The following ABTB3 variants were observed in gnomAD, a reference collection of about 807,000 sequenced individuals.
ABTB3 encodes ankyrin repeat- and BTB/POZ domain-containing protein 3.
At chr12:107,477,282 G>T in the ABTB3 span, among the ~76,000 whole-genome samples, 13 of 152,284 alleles carry the variant, frequency 8.5e-5, no homozygotes, top group South Asian at 1.5e-3. Flanking sequence ...CAATGGGCGG[G>T]TCAAGAGACA....
the ABTB3 span, chr12:107,610,153 G>A: frequency 1.2e-6 from 2 of 1,613,096 alleles, no homozygotes; most frequent in Non-Finnish European, 1.7e-6. Flanking sequence ...CCTCTGGGAA[G>A]CCGCTGTACC....
At chr12:107,382,310 C>T in the ABTB3 span, among the ~76,000 whole-genome samples, 1 of 152,148 alleles carries the variant, frequency 6.6e-6, no homozygotes, top group Non-Finnish European at 1.5e-5. Flanking sequence ...TGGGCCAGGA[C>T]CTGGCACACA....
At chr12:107,420,622 C>T in the ABTB3 span, among the ~76,000 whole-genome samples, 1 of 152,126 alleles carries the variant, frequency 6.6e-6, no homozygotes, top group African/African-American at 2.4e-5. Flanking sequence ...GGGGACACAG[C>T]CAAACCACAT....
At chr12:107,635,333 G>C in the ABTB3 span, 1 of 1,613,882 alleles carries the variant, frequency 6.2e-7, no homozygotes, top group South Asian at 1.1e-5. Flanking sequence ...ACACTGCTAC[G>C]GGCCCTACCC....
At chr12:107,619,932 C>T in the ABTB3 span, 2 of 1,475,352 alleles carry the variant, frequency 1.4e-6, no homozygotes, top group Non-Finnish European at 1.8e-6. Context: ...TTCCACCTTT[C>T]CCCTCTCTCT....
the ABTB3 span, among the ~76,000 whole-genome samples, chr12:107,628,568 T>C: frequency 6.6e-6 from 1 of 152,246 alleles, no homozygotes; most frequent in African/African-American, 2.4e-5. Context: ...TTTCTCCATT[T>C]GAAACAGGTC....
chr12:107,448,452 A>G, the ABTB3 span, among the ~76,000 whole-genome samples: 1,077 of 152,298 alleles, frequency 7.1e-3, 11 homozygotes, highest in African/African-American at 0.024. Context: ...GCCACTGAAA[A>G]TGATGCCCAG....
the ABTB3 span, among the ~76,000 whole-genome samples, chr12:107,578,267 G>A: frequency 6.6e-6 from 1 of 151,410 alleles, no homozygotes; most frequent in African/African-American, 2.4e-5. Flanking sequence ...TAGGTACATA[G>A]AAAATTCCAG....
chr12:107,477,669 C>G, the ABTB3 span, among the ~76,000 whole-genome samples: 1 of 152,122 alleles, frequency 6.6e-6, no homozygotes. Flanking sequence ...TATGCACCAA[C>G]ACGCATAAAA....
chr12:107,506,086 T>C, the ABTB3 span, among the ~76,000 whole-genome samples: 1 of 152,210 alleles, frequency 6.6e-6, no homozygotes, highest in South Asian at 2.1e-4. Context: ...TTTCTGTTTT[T>C]AGGTCTTTGA....
chr12:107,602,257 G>A, the ABTB3 span, among the ~76,000 whole-genome samples: 4 of 152,208 alleles, frequency 2.6e-5, no homozygotes, highest in Non-Finnish European at 5.9e-5. Context: ...CCTTCCTGGG[G>A]GCCAGGCTTT....
chr12:107,630,866 T>G, the ABTB3 span, among the ~76,000 whole-genome samples: 120 of 152,386 alleles, frequency 7.9e-4, 1 homozygote, highest in Admixed American at 2.4e-3. Flanking sequence ...CTATGGTACA[T>G]TTGTTATAAT....
the ABTB3 span, among the ~76,000 whole-genome samples, chr12:107,593,297 A>C: frequency 2.0e-5 from 3 of 152,190 alleles, no homozygotes; most frequent in Non-Finnish European, 4.4e-5. Context: ...GCGGTCCTCA[A>C]AGCCTAACAT....
At chr12:107,525,217 C>T in the ABTB3 span, among the ~76,000 whole-genome samples, 2 of 149,900 alleles carry the variant, frequency 1.3e-5, no homozygotes, top group Non-Finnish European at 1.5e-5. Flanking sequence ...GTCCCAGCTA[C>T]TCGGAAGGCT....
At chr12:107,611,601 C>T in the ABTB3 span, among the ~76,000 whole-genome samples, 1 of 152,308 alleles carries the variant, frequency 6.6e-6, no homozygotes, top group South Asian at 2.1e-4. Flanking sequence ...TAATGCTAAG[C>T]TAAACGTATT....
chr12:107,440,731 G>A, the ABTB3 span, among the ~76,000 whole-genome samples: 2 of 152,136 alleles, frequency 1.3e-5, no homozygotes, highest in African/African-American at 2.4e-5. Context: ...AAGGAAAGAA[G>A]GGAGGCAGGG....
At chr12:107,525,347 AAAAG>A in the ABTB3 span, among the ~76,000 whole-genome samples, 223 of 149,696 alleles carry the variant, frequency 1.5e-3, 1 homozygote, top group Non-Finnish European at 2.5e-3. Context: ...AAAAAAAAAA[AAAAG>A]AAAGAAAGAA....
the ABTB3 span, among the ~76,000 whole-genome samples, chr12:107,516,592 C>T: frequency 9.9e-5 from 15 of 152,128 alleles, no homozygotes; most frequent in African/African-American, 2.4e-4. Context: ...TTCCCTACCC[C>T]GTTGTCTCAC....
At chr12:107,348,805 CAGGTAGTACTGAGTGATA>C in the ABTB3 span, among the ~76,000 whole-genome samples, 1 of 152,128 alleles carries the variant, frequency 6.6e-6, no homozygotes, top group Non-Finnish European at 1.5e-5. Flanking sequence ...AAGGCGATTT[CAGGTAGTACTGAGTGATA>C]AGGTAGAGCT....
Sources: allele counts gnomAD v4.1 joint callset (sites outside exome capture counted in the v4.1 genomes callset), GRCh38; gene constraint gnomAD v4.1.1; transcripts MANE v1.5; gene names NCBI Gene and HGNC (gene_info 2026-07-23, HGNC 2026-07-21).